Variants in TPX2 observed in about 807,000 individuals in gnomAD.
The protein encoded by TPX2 is TPX2 microtubule nucleation factor.
Under a neutral mutation model 93.6 loss-of-function variants are expected in TPX2, and 21 were observed. The observed-to-expected ratio is 0.22, with a 90% CI of 0.16 to 0.32. TPX2 has a LOEUF of 0.32. Ranked by LOEUF, TPX2 falls within the 10% of genes least tolerant of loss-of-function variation. The probability of loss-of-function intolerance (pLI) is 1.00; values close to 1 mark genes in which losing one functional copy is unlikely to be tolerated. For synonymous variants in TPX2, 281 were observed against 298.3 expected, an observed-to-expected ratio of 0.94 and a Z score of 0.60; for missense variants, 776 against 871.1, an observed-to-expected ratio of 0.89 and a Z score of 1.37.
chr20:31,775,643 T>C (rs974257330), intron 7 of TPX2, among the ~76,000 whole-genome samples: 1 of 152,192 alleles, frequency 6.6e-6, no homozygotes, highest in African/African-American at 2.4e-5. Context: ...CCCAAAGTGC[T>C]GGGATTATAG....
intron 5 of TPX2, among the ~76,000 whole-genome samples, chr20:31,769,699 A>G (rs2061952792): frequency 6.6e-6 from 1 of 152,156 alleles, no homozygotes; most frequent in Admixed American, 6.5e-5. Flanking sequence ...TGGTGATTTC[A>G]TAAGGTCTTC....
In TPX2 at chr20:31,763,459, C is replaced by T. The variant is rs1330227736; in HGVS notation, c.230-3097C>T. On this transcript the variant is annotated intron_variant, in intron 4 of 17. Transcript: ENST00000300403. ...CCTCTGAAAGTGCTGGGATTACAGGCGTGAGCTACTGCGCCTGTCCTGCTT... is the reference window on the plus strand; with the variant it reads ...CCTCTGAAAGTGCTGGGATTACAGGTGTGAGCTACTGCGCCTGTCCTGCTT... 2.0e-5 allele frequency among the ~76,000 whole-genome samples: 3 copies of T among 152,046 alleles called. No homozygotes were observed. The East Asian group carries it at 5.8e-4, about 29-fold the overall frequency.
Position 31,801,003 on chromosome 20 carries a change from G to C in TPX2, c.2167G>C (p.Gly723Arg). Residue 723 changes from glycine (G) to arginine (R), a missense_variant, in exon 18 of 18, where the codon GGT becomes CGT. Coordinates refer to ENST00000300403, the MANE Select transcript of TPX2 (RefSeq NM_012112.5). ...HKANPIRKYQ[G>R]LEIKSSDQPL... ...GGCAAATCCAATACGCAAGTACCAG[G>C]GTCTGGAGATAAAGTCAAGTGACCA... 1 of 1,614,134 alleles carries C rather than the reference G, an allele frequency of 6.2e-7. No homozygotes were observed. Among genetic ancestry groups the C allele is most frequent in the Non-Finnish European group, 8.5e-7 (1 of 1,180,014 alleles).
intron 12 of TPX2, among the ~76,000 whole-genome samples, chr20:31,787,842 C>T (rs2062076487): frequency 6.6e-6 from 1 of 152,178 alleles, no homozygotes; most frequent in African/African-American, 2.4e-5. Context: ...GTCCTTTGTC[C>T]TGTACCTGTG....
intron 5 of TPX2, among the ~76,000 whole-genome samples, chr20:31,769,195 T>TA: frequency 6.8e-6 from 1 of 147,264 alleles, no homozygotes; most frequent in South Asian, 2.1e-4. Flanking sequence ...CCCTAAAACT[T>TA]AAAGTATAAT....
chr20:31,779,052 C>G, intron 10 of TPX2, 68 bp downstream of exon 10: 1 of 1,453,040 alleles, frequency 6.9e-7, no homozygotes, highest in Non-Finnish European at 9.2e-7. Context: ...ACATCTTAGG[C>G]ACAGATTTGT....
chr20:31,743,791 A>G (rs928284602), intron 2 of TPX2, among the ~76,000 whole-genome samples: 7 of 151,338 alleles, frequency 4.6e-5, no homozygotes, highest in Non-Finnish European at 7.4e-5. Context: ...CAATGGTGCA[A>G]TCTCAGCTTA....
chr20:31,788,295 G>A (rs1222164514), intron 12 of TPX2, among the ~76,000 whole-genome samples: 2 of 151,614 alleles, frequency 1.3e-5, no homozygotes, highest in African/African-American at 4.9e-5. Flanking sequence ...GCAGGCACCT[G>A]TACTCCTAGC....
intron 13 of TPX2, among the ~76,000 whole-genome samples, chr20:31,793,185 T>C (rs1276333985): frequency 6.6e-6 from 1 of 152,188 alleles, no homozygotes; most frequent in Non-Finnish European, 1.5e-5. Context: ...GTGATGGACT[T>C]TGAAAATTCA....
At chr20:31,794,629 C>T (rs1346321331) in intron 15 of TPX2, 81 bp downstream of exon 15, 5 of 1,537,468 alleles carry the variant, frequency 3.3e-6, no homozygotes, top group Admixed American at 1.9e-5. Context: ...CTGAAATCAC[C>T]TGGGTTAACA....
chr20:31,744,026 G>GT (rs550859076), intron 2 of TPX2, among the ~76,000 whole-genome samples: 3 of 150,682 alleles, frequency 2.0e-5, no homozygotes, highest in African/African-American at 7.3e-5. Context: ...TGGCCTTGCA[G>GT]TTTTTTTTCC....
At chr20:31,770,714 T>G (rs945266955) in intron 6 of TPX2, among the ~76,000 whole-genome samples, 24 of 152,204 alleles carry the variant, frequency 1.6e-4, no homozygotes, top group Admixed American at 1.4e-3. Flanking sequence ...TTTACCTCTT[T>G]TTGTTTTTAC....
chr20:31,767,978 C>T (rs1411547593), intron 5 of TPX2, among the ~76,000 whole-genome samples: 1 of 151,196 alleles, frequency 6.6e-6, no homozygotes, highest in African/African-American at 2.4e-5. Context: ...GTTGCCCAGG[C>T]TGGAGTGCAA....
intron 10 of TPX2, among the ~76,000 whole-genome samples, chr20:31,780,121 G>A (rs528597829): frequency 1.3e-5 from 2 of 152,210 alleles, no homozygotes; most frequent in South Asian, 2.1e-4. Context: ...GCGCGATCTC[G>A]ACTCACTGCA....
At chr20:31,795,744 A>C (rs191757070) in intron 15 of TPX2, among the ~76,000 whole-genome samples, 2 of 152,408 alleles carry the variant, frequency 1.3e-5, no homozygotes, top group Admixed American at 1.3e-4. Flanking sequence ...TTTTCTCAGC[A>C]TGATGTGCTA....
intron 1 of TPX2, among the ~76,000 whole-genome samples, chr20:31,741,369 T>G (rs2061752146): frequency 6.6e-6 from 1 of 151,578 alleles, no homozygotes; most frequent in Non-Finnish European, 1.5e-5. Flanking sequence ...TGGAGTGCAG[T>G]GGCGCGATTT....
Position 31,757,424 on chromosome 20 carries a change from A to C in TPX2, c.-53A>C. ...TTCCTCAGAAGGTGACCTGCTGAGA[A>C]AAGTGGTACAAATACTGGGAAAAAC... is the stretch of plus-strand genomic sequence containing the variant. On this transcript the variant is annotated 5_prime_UTR_variant, in exon 3 of 18. Coordinates refer to ENST00000300403, the MANE Select transcript of TPX2 (RefSeq NM_012112.5). 2 of 1,435,066 alleles carry C rather than the reference A, an allele frequency of 1.4e-6. No individual in the cohort carries two copies. Among genetic ancestry groups the C allele is most frequent in the Non-Finnish European group, 2.0e-6 (2 of 1,025,338 alleles). The allele number at this position is 1,435,066 out of a possible 1,614,324, so 88.9% of individuals were successfully genotyped here. A position where few individuals can be genotyped will look rare whatever the true frequency, so the allele number is the denominator to read the frequency against.
At chr20:31,774,111 C>T in intron 7 of TPX2, among the ~76,000 whole-genome samples, 1 of 152,028 alleles carries the variant, frequency 6.6e-6, no homozygotes, top group Non-Finnish European at 1.5e-5. Flanking sequence ...ACAGGTGATC[C>T]ACCTGCCTCA....
chr20:31,742,302 C>T (rs1290965431), intron 1 of TPX2, among the ~76,000 whole-genome samples: 5 of 151,568 alleles, frequency 3.3e-5, no homozygotes, highest in Admixed American at 6.6e-5. Context: ...CTCAGTGTCC[C>T]GAGTAGCTGG....
Sources: gnomAD v4.1 joint callset for allele counts (sites outside exome capture counted in the v4.1 genomes callset) on GRCh38, gnomAD v4.1.1 for gene constraint, MANE v1.5 for transcripts, NCBI Gene and HGNC (gene_info 2026-07-23, HGNC 2026-07-21) for gene names.